The following EIF2AK2 variants were observed in gnomAD, a reference collection of about 807,000 sequenced individuals.
EIF2AK2 encodes eukaryotic translation initiation factor 2 alpha kinase 2, also known as interferon-induced, double-stranded RNA-activated protein kinase.
A neutral mutation model predicts 70.5 loss-of-function variants in EIF2AK2; 40 were observed. The ratio of observed to expected loss-of-function variants is 0.57; its 90% CI spans 0.44 to 0.74. EIF2AK2 has a LOEUF of 0.74. EIF2AK2 is among the 30% of genes least tolerant of loss of function. The pLI is 0.00. For missense variants in EIF2AK2, 555 were observed against 644.3 expected (o/e 0.86, Z 1.50); for synonymous variants, 198 against 220.9 (o/e 0.90, Z 0.92).
At chr2:37,154,098 G>A (rs563950648) in intron 1 of EIF2AK2, among the ~76,000 whole-genome samples, 34 of 152,208 alleles carry the variant, frequency 2.2e-4, no homozygotes, top group African/African-American at 7.0e-4. Context: ...AGGCCAAGGC[G>A]GGCAGATCAC....
chr2:37,120,842 T>G (rs936207883), intron 12 of EIF2AK2, among the ~76,000 whole-genome samples: 1 of 148,888 alleles, frequency 6.7e-6, no homozygotes, highest in African/African-American at 2.4e-5. Flanking sequence ...GCGGCACCTG[T>G]AGTCTCAGCT....
At chr2:37,153,336 T>TC (rs1675811459) in intron 1 of EIF2AK2, among the ~76,000 whole-genome samples, 1 of 110,972 alleles carries the variant, frequency 9.0e-6, no homozygotes, top group African/African-American at 3.7e-5. Flanking sequence ...TCTCTGCTAA[T>TC]CTTTTTTTTT....
In EIF2AK2 at chr2:37,138,484, A is replaced by G. The variant is rs765268722; in HGVS notation, c.593+25T>C. ...AGACAGAAATATGAATATGTTAAGT[A>G]TCTCAATTGTTTGTCTACACTTACA... is the stretch of plus-strand genomic sequence containing the variant. On this transcript the variant is annotated intron_variant, in intron 7 of 16. Coordinates refer to ENST00000233057, the MANE Select transcript of EIF2AK2 (RefSeq NM_001135651.3). 4 of 1,611,194 alleles carry G rather than the reference A, an allele frequency of 2.5e-6. No homozygotes were observed. In the African/African-American group the frequency reaches 5.3e-5, roughly 22 times the overall value.
At chr2:37,153,614 A>T (rs1675821788) in intron 1 of EIF2AK2, among the ~76,000 whole-genome samples, 1 of 152,186 alleles carries the variant, frequency 6.6e-6, no homozygotes, top group South Asian at 2.1e-4. Flanking sequence ...TATTTCACTT[A>T]GCAAAATGTC....
intron 11 of EIF2AK2, among the ~76,000 whole-genome samples, chr2:37,124,712 C>A (rs980548092): frequency 7.3e-5 from 11 of 151,702 alleles, no homozygotes; most frequent in African/African-American, 2.7e-4. Flanking sequence ...GGATATAAAT[C>A]CATAATTTGA....
chr2:37,150,031 G>A (rs1275959090), intron 1 of EIF2AK2, among the ~76,000 whole-genome samples: 3 of 152,026 alleles, frequency 2.0e-5, no homozygotes, highest in African/African-American at 7.3e-5. Flanking sequence ...CTGATCATGG[G>A]AATGTTCTTC....
chr2:37,126,437 T>C (rs1209248451), intron 10 of EIF2AK2, 26 bp from the exon 11 acceptor site: 6 of 1,597,694 alleles, frequency 3.8e-6, no homozygotes, highest in South Asian at 1.1e-5. Context: ...CACTGTTATT[T>C]TGACATTTCA....
intron 4 of EIF2AK2, among the ~76,000 whole-genome samples, chr2:37,142,335 A>C (rs1406975425): frequency 3.3e-5 from 5 of 151,834 alleles, no homozygotes; most frequent in Non-Finnish European, 7.4e-5. Context: ...GTTTGGCCAT[A>C]TTGCCCAGGC....
intron 1 of EIF2AK2, among the ~76,000 whole-genome samples, chr2:37,153,337 CTTTTTT>C (rs1553340565): frequency 9.1e-6 from 1 of 109,864 alleles, no homozygotes; most frequent in Admixed American, 1.0e-4. Context: ...CTCTGCTAAT[CTTTTTT>C]TTTTTTTTTT....
At chr2:37,148,752 G>A in intron 2 of EIF2AK2, 105 bp downstream of exon 2, 1 of 836,334 alleles carries the variant, frequency 1.2e-6, no homozygotes, top group Non-Finnish European at 2.1e-6. Context: ...AAGTCGTGTT[G>A]TGACCCATTT....
Position 37,120,139 on chromosome 2 carries a change from C to T in EIF2AK2, c.1068G>A (p.Arg356=), listed in dbSNP as rs1478967113. The part of the protein sequence containing the change: ...YDPENSKNSS[R]SKTKCLFIQM... ...GGATGAAAAGGCACTTAGTCTTTGA[C>T]CTGGGTATAAAATTCACAGTATGTT... Residue 356 remains arginine, a splice_region_variant and synonymous_variant, in exon 13 of 17, where the codon AGG becomes AGA. Coordinates refer to ENST00000233057, the MANE Select transcript of EIF2AK2 (RefSeq NM_001135651.3). The T allele has an allele frequency of 7.1e-7, 1 of 1,413,166 alleles. No homozygotes were observed. Among genetic ancestry groups the T allele is most frequent in the Non-Finnish European group, 9.3e-7 (1 of 1,078,246 alleles). The allele number at this position is 1,413,166 out of a possible 1,614,324, so 87.5% of individuals were successfully genotyped here.
At chr2:37,135,976 G>A (rs1245863918) in intron 9 of EIF2AK2, among the ~76,000 whole-genome samples, 1 of 152,176 alleles carries the variant, frequency 6.6e-6, no homozygotes, top group East Asian at 1.9e-4. Flanking sequence ...TTCTCCTCTG[G>A]CCTCTAATAC....
At chr2:37,126,967 G>GAAAAAAAAAAAAAAAAAAAAAAAAAA (rs57802509) in intron 10 of EIF2AK2, among the ~76,000 whole-genome samples, 3 of 52,168 alleles carry the variant, frequency 5.8e-5, no homozygotes, top group African/African-American at 7.6e-5. Flanking sequence ...CAAAAAAACA[G>GAAAAAAAAAAAAAAAAAAAAAAAAAA]AAAAAAAAAA....
intron 4 of EIF2AK2, among the ~76,000 whole-genome samples, chr2:37,143,567 T>G (rs944259434): frequency 6.6e-6 from 1 of 152,118 alleles, no homozygotes; most frequent in Non-Finnish European, 1.5e-5. Context: ...TTTCTTGTAT[T>G]ATTCCCTAAA....
At position 37,102,021 on chromosome 2, in the gene EIF2AK2, C is replaced by G. The variant is rs1263526518; in HGVS notation, c.*5252G>C. 6 of 152,266 alleles carry G rather than the reference C, an allele frequency of 3.9e-5. No individual in the cohort carries two copies. Among genetic ancestry groups the G allele is most frequent in the Non-Finnish European group, 1.5e-5 (1 of 68,100 alleles). 9.4% of individuals were successfully genotyped at this position (152,266 alleles called of 1,614,324 possible). On this transcript the variant is annotated 3_prime_UTR_variant, in exon 17 of 17. Coordinates refer to ENST00000233057, the MANE Select transcript of EIF2AK2 (RefSeq NM_001135651.3). ...TTGGAAGACCAAGGCAGGAGAATCT[C>G]TCAAGGCCAGGAGTTTGAGACCAGC...
rs1329372441 is a variant in EIF2AK2 at position 37,122,605 on chromosome 2, T to C, written c.968A>G (p.Tyr323Cys). 1.2e-6 allele frequency: 2 copies of C among 1,614,204 alleles called. No homozygotes were observed. The highest frequency in any genetic ancestry group is 1.1e-5 in the South Asian group (1 of 91,078). ...ATCAAATCCATCCCAACAGCCATTG[T>C]AGTGAACAATATTTACATGATCAAG... The part of the protein sequence containing the change: ...AKLDHVNIVH[Y>C]NGCWDGFDYD... The change falls in exon 12 of 17, where the codon TAC (tyrosine) becomes TGC (cysteine). Residue 323 changes from tyrosine (Y) to cysteine (C), a missense_variant. Tyr to Cys is a radical substitution (Grantham distance 194, BLOSUM62 -2). Around this residue, in one of 3 missense-constraint regions of EIF2AK2, gnomAD observed 299 missense variants for 375.4 expected, o/e 0.80. Coordinates refer to ENST00000233057, the MANE Select transcript of EIF2AK2 (RefSeq NM_001135651.3).
At chr2:37,111,876 A>AT (rs1440517064) in intron 14 of EIF2AK2, among the ~76,000 whole-genome samples, 106 of 46,014 alleles carry the variant, frequency 2.3e-3, no homozygotes, top group Non-Finnish European at 3.7e-3. Flanking sequence ...AAAAAAAAAA[A>AT]AAATATATAT....
chr2:37,137,808 T>A (rs932779209), intron 8 of EIF2AK2, among the ~76,000 whole-genome samples: 1 of 151,806 alleles, frequency 6.6e-6, no homozygotes, highest in Non-Finnish European at 1.5e-5. Flanking sequence ...AACTTAATTT[T>A]AAAAAAAGTC....
chr2:37,102,411 T>C lies in EIF2AK2; in HGVS notation c.*4862A>G, dbSNP rs1673849135. The C allele has an allele frequency of 6.6e-6, 1 of 152,196 alleles. No individual in the cohort carries two copies. Among genetic ancestry groups the C allele is most frequent in the African/African-American group, 2.4e-5 (1 of 41,450 alleles). 9.4% of individuals were successfully genotyped at this position (152,196 alleles called of 1,614,324 possible). A position where few individuals can be genotyped will look rare whatever the true frequency, so the allele number is the denominator to read the frequency against. ...AACATAAAGAAATGTATGAATAATA[T>C]TGAAATTATTCAATATTCCATAATG... On this transcript the variant is annotated 3_prime_UTR_variant, in exon 17 of 17. Transcript: ENST00000233057.
Sources: gnomAD v4.1 joint callset for allele counts (sites outside exome capture counted in the v4.1 genomes callset) on GRCh38, gnomAD v4.1.1 for gene constraint, gnomAD v4.1.1 regional missense constraint, MANE v1.5 for transcripts, NCBI Gene and HGNC (gene_info 2026-07-23, HGNC 2026-07-21) for gene names.